The following NRCAM variants were observed in gnomAD, a reference collection of about 807,000 sequenced individuals.
The protein encoded by NRCAM is neuronal cell adhesion molecule, also known as NgCAM-related cell adhesion molecule.
In NRCAM, 83 loss-of-function variants were observed where a neutral mutation model predicts 156.5. That is an observed-to-expected ratio of 0.53 (90% CI 0.44 to 0.64). The LOEUF is 0.64. Among genes scored for constraint, NRCAM ranks in the 30% least tolerant of loss-of-function variants. The probability of loss-of-function intolerance (pLI) is 0.00; values close to 1 mark genes in which losing one functional copy is unlikely to be tolerated. For missense variants in NRCAM, 1,417 were observed against 1,597.3 expected (o/e 0.89, Z 1.92); for synonymous variants, 538 against 563.9 (o/e 0.95, Z 0.65).
At chr7:108,414,424 G>C (rs1799018097) in intron 1 of NRCAM, among the ~76,000 whole-genome samples, 1 of 152,042 alleles carries the variant, frequency 6.6e-6, no homozygotes, top group South Asian at 2.1e-4. Context: ...CTCAGATTCT[G>C]TTTTCTAGGG....
intron 3 of NRCAM, among the ~76,000 whole-genome samples, chr7:108,281,329 T>G (rs1241276531): frequency 6.6e-6 from 1 of 152,040 alleles, no homozygotes; most frequent in African/African-American, 2.4e-5. Context: ...ATCCCAACAC[T>G]GTGGGCAATA....
intron 30 of NRCAM, among the ~76,000 whole-genome samples, chr7:108,165,610 G>A (rs1445967541): frequency 6.6e-6 from 1 of 152,200 alleles, no homozygotes; most frequent in East Asian, 1.9e-4. Flanking sequence ...TGGTTTCCCA[G>A]GACTATATAC....
chr7:108,236,898 G>A (rs1354224088), intron 5 of NRCAM, among the ~76,000 whole-genome samples: 1 of 152,078 alleles, frequency 6.6e-6, no homozygotes, highest in Non-Finnish European at 1.5e-5. Context: ...TGACACAGGT[G>A]CAAATCTGGT....
chr7:108,265,215 A>T (rs146737979), intron 3 of NRCAM, among the ~76,000 whole-genome samples: 134 of 152,210 alleles, frequency 8.8e-4, no homozygotes, highest in African/African-American at 3.2e-3. Context: ...GTTTGTAGGG[A>T]CCTGGTGCTT....
Position 108,372,724 on chromosome 7 carries a change from G to C in NRCAM, c.-174+26712C>G, listed in dbSNP as rs186540982. Among the ~76,000 whole-genome samples the C allele has an allele frequency of 1.2e-4, 19 of 152,256 alleles. 1 individual carries two copies. The highest frequency in any genetic ancestry group is 1.1e-3 in the Admixed American group (17 of 15,272). On this transcript the variant is annotated intron_variant, in intron 2 of 32. Transcript: ENST00000379028. ...AGACAAGTGTTGGCATGGACGTGGA[G>C]AAACTGGAACCATTACACACTTCAT...
chr7:108,198,620 T>C (rs2076368140), intron 13 of NRCAM, among the ~76,000 whole-genome samples: 1 of 152,182 alleles, frequency 6.6e-6, no homozygotes, highest in Non-Finnish European at 1.5e-5. Context: ...CAAGAGGAAA[T>C]AGCAAAAGCT....
In NRCAM at chr7:108,209,594, A is replaced by C. The variant is rs747004157; in HGVS notation, c.902T>G (p.Ile301Ser). The change falls in exon 12 of 33, where the codon ATT (isoleucine) becomes AGT (serine). Residue 301 changes from isoleucine to serine, a missense_variant. Ile to Ser is a moderately radical substitution (Grantham distance 142, BLOSUM62 -2). This residue lies in a region of NRCAM where 1,238 missense variants were observed against 1,336.4 expected (regional missense o/e 0.93). Transcript: ENST00000379028. ...ECIAEGLPTPIIYWAKEDGML... is the reference protein window; with the variant it reads ...ECIAEGLPTPSIYWAKEDGML... ...TCCATCTTCCTTTGCCCAGTAAATA[A>C]TTGGGGTAGGCCTGATAGGATAAAT... 6.2e-7 allele frequency: 1 copy of C among 1,608,018 alleles called. No individual in the cohort carries two copies. Among genetic ancestry groups the C allele is most frequent in the Non-Finnish European group, 8.5e-7 (1 of 1,177,820 alleles).
Position 108,180,309 on chromosome 7 carries a change from C to T in NRCAM, c.2765G>A (p.Ser922Asn), listed in dbSNP as rs756862409. Residue 922 changes from serine to asparagine, a missense_variant, in exon 25 of 33, where the codon AGC (serine) becomes AAC (asparagine). This residue lies in a region of NRCAM where 1,238 missense variants were observed against 1,336.4 expected (regional missense o/e 0.93). Coordinates refer to ENST00000379028, the MANE Select transcript of NRCAM (RefSeq NM_001037132.4). ...HGMLPGLEPF[S>N]HYTLNVRVVN... ...CACTCGGACATTCAGTGTGTAGTGG[C>T]TAAAGGGCTCTAGCCCCGGCAACAT... 6.2e-7 allele frequency: 1 copy of T among 1,614,108 alleles called. No individual in the cohort carries two copies.
intron 1 of NRCAM, among the ~76,000 whole-genome samples, chr7:108,407,976 G>T (rs1790525326): frequency 6.6e-6 from 1 of 152,164 alleles, no homozygotes; most frequent in Non-Finnish European, 1.5e-5. Flanking sequence ...GTGAAGCCAA[G>T]AACTATTAAT....
At chr7:108,201,241 T>C (rs2077932063) in intron 13 of NRCAM, among the ~76,000 whole-genome samples, 1 of 151,194 alleles carries the variant, frequency 6.6e-6, no homozygotes, top group Admixed American at 6.6e-5. Context: ...CTCTCAGTGC[T>C]GGGACTCTTC....
chr7:108,198,044 A>G lies in NRCAM; in HGVS notation c.1263T>C (p.Asn421=). ...KIDGDTIIFS[N]VQERSSAVYQ... ...AGACTGCACTTGATCTTTCTTGAAC[A>G]TTTGAAAAAATAATGGTATCGCCAT... Residue 421 remains asparagine (N), a synonymous_variant, in exon 14 of 33, where the codon AAT becomes AAC. Transcript: ENST00000379028. The G allele has an allele frequency of 3.1e-6, 5 of 1,605,576 alleles. No homozygotes were observed. The highest frequency in any genetic ancestry group is 1.1e-5 in the South Asian group (1 of 89,476).
chr7:108,218,903 G>A lies in NRCAM; in HGVS notation c.890+4822C>T, dbSNP rs111610627. ...GAAACAAACAACAAAAAATACAAAAGATAAATGAAACAAACAGCTGGTTCT... is the reference window on the plus strand; with the variant it reads ...GAAACAAACAACAAAAAATACAAAAAATAAATGAAACAAACAGCTGGTTCT... On this transcript the variant is annotated intron_variant, in intron 11 of 32. Transcript: ENST00000379028. 7.3e-3 allele frequency among the ~76,000 whole-genome samples: 1,114 copies of A among 152,122 alleles called. 22 individuals are homozygous for A. The highest frequency in any genetic ancestry group is 0.025 in the African/African-American group (1,054 of 41,484).
At position 108,223,709 on chromosome 7, in the gene NRCAM, G is replaced by C; in HGVS notation, c.890+16C>G. The C allele has an allele frequency of 7.9e-7, 1 of 1,265,728 alleles. No individual in the cohort carries two copies. The highest frequency in any genetic ancestry group is 1.2e-6 in the Non-Finnish European group (1 of 865,640). The allele number at this position is 1,265,728 out of a possible 1,614,324, so 78.4% of individuals were successfully genotyped here. Reference sequence around the variant, plus strand: ...TTTATAAGAAATGTACTTCAGGACAGAAAGTGTTAACTCACAGTCCTTCTG... The same window carrying C: ...TTTATAAGAAATGTACTTCAGGACACAAAGTGTTAACTCACAGTCCTTCTG... On this transcript the variant is annotated intron_variant, in intron 11 of 32. Coordinates refer to ENST00000379028, the MANE Select transcript of NRCAM (RefSeq NM_001037132.4).
At chr7:108,435,907 T>G (rs992865416) in intron 1 of NRCAM, among the ~76,000 whole-genome samples, 1 of 152,142 alleles carries the variant, frequency 6.6e-6, no homozygotes, top group African/African-American at 2.4e-5. Context: ...CCGAGGCGGG[T>G]GGATCACGAG....
intron 25 of NRCAM, 142 bp downstream of exon 25, chr7:108,180,081 T>A (rs2062665105): frequency 1.5e-6 from 1 of 676,694 alleles, no homozygotes; most frequent in African/African-American, 1.8e-5. Flanking sequence ...TTGGTAGCTT[T>A]GTGTGTGCTG....
At position 108,255,247 on chromosome 7, in the gene NRCAM, G is replaced by C. The variant is rs981868083; in HGVS notation, c.-106-15077C>G. ...GGCTGGACTGTACTGCCGCCATCTC[G>C]GCTCACTGCAAACTCCCTGCCTGAT... On this transcript the variant is annotated intron_variant, in intron 3 of 32. Coordinates refer to ENST00000379028, the MANE Select transcript of NRCAM (RefSeq NM_001037132.4). Among the ~76,000 whole-genome samples the C allele has an allele frequency of 2.1e-5, 3 of 142,498 alleles. No homozygotes were observed. The Admixed American group carries it at 2.2e-4, about 11-fold the overall frequency. 93.5% of individuals were successfully genotyped at this position (142,498 alleles called of 152,430 possible). A position where few individuals can be genotyped will look rare whatever the true frequency, so the allele number is the denominator to read the frequency against.
intron 8 of NRCAM, among the ~76,000 whole-genome samples, chr7:108,229,269 A>G (rs2093964424): frequency 6.6e-6 from 1 of 152,196 alleles, no homozygotes; most frequent in Middle Eastern, 3.2e-3. Context: ...TAAAATTATT[A>G]TCATTATTTT....
chr7:108,226,088 T>C, intron 9 of NRCAM, 120 bp downstream of exon 9: 2 of 680,320 alleles, frequency 2.9e-6, no homozygotes, highest in South Asian at 4.2e-5. Context: ...TGAGCATTCA[T>C]GGGTGGCTTC....
chr7:108,255,007 A>G (rs79600311), intron 3 of NRCAM, among the ~76,000 whole-genome samples: 8,984 of 152,318 alleles, frequency 0.059, 365 homozygotes, highest in Non-Finnish European at 0.081. Flanking sequence ...AACAGATCCA[A>G]TGCCCATTAA....
Sources: allele counts gnomAD v4.1 joint callset (sites outside exome capture counted in the v4.1 genomes callset), GRCh38; gene constraint gnomAD v4.1.1; regional missense constraint gnomAD v4.1.1; transcripts MANE v1.5; gene names NCBI Gene and HGNC (gene_info 2026-07-23, HGNC 2026-07-21).